The following TFDP2 variants were observed in gnomAD, a reference collection of about 807,000 sequenced individuals.
TFDP2 encodes the protein transcription factor Dp-2 (E2F dimerization partner 2).
A neutral mutation model predicts 59.3 loss-of-function variants in TFDP2; 17 were observed. The ratio of observed to expected loss-of-function variants is 0.29; its 90% CI spans 0.20 to 0.43. The LOEUF is 0.43. Ranked by LOEUF, TFDP2 falls within the 20% of genes least tolerant of loss-of-function variation. The probability of loss-of-function intolerance (pLI) is 1.00; values close to 1 mark genes in which losing one functional copy is unlikely to be tolerated. For synonymous variants in TFDP2, 180 were observed against 194.7 expected, an observed-to-expected ratio of 0.92 and a Z score of 0.63; for missense variants, 391 against 528.8, an observed-to-expected ratio of 0.74 and a Z score of 2.56.
chr3:141,985,741 A>G (rs1942031132), intron 6 of TFDP2, among the ~76,000 whole-genome samples: 1 of 152,158 alleles, frequency 6.6e-6, no homozygotes, highest in Non-Finnish European at 1.5e-5. Flanking sequence ...CAAAAGCATA[A>G]GTAACACAAG....
intron 3 of TFDP2, among the ~76,000 whole-genome samples, chr3:142,070,341 C>T (rs762159929): frequency 2.0e-5 from 3 of 151,924 alleles, no homozygotes; most frequent in Non-Finnish European, 4.4e-5. Context: ...ATGGCACGAA[C>T]ACAGCTGGCT....
At chr3:141,976,934 A>G (rs1437379746) in intron 7 of TFDP2, among the ~76,000 whole-genome samples, 1 of 151,838 alleles carries the variant, frequency 6.6e-6, no homozygotes, top group Non-Finnish European at 1.5e-5. Flanking sequence ...AAAACTTTAA[A>G]GCAACAAACA....
intron 3 of TFDP2, among the ~76,000 whole-genome samples, chr3:142,015,910 G>A (rs1220187116): frequency 6.6e-6 from 1 of 152,074 alleles, no homozygotes; most frequent in Non-Finnish European, 1.5e-5. Context: ...TGTGCTCTAG[G>A]TATAAAATAT....
chr3:142,067,373 G>A (rs1298781249), intron 3 of TFDP2, among the ~76,000 whole-genome samples: 1 of 151,430 alleles, frequency 6.6e-6, no homozygotes, highest in Non-Finnish European at 1.5e-5. Context: ...ATTTACATTA[G>A]CACCAAAAAT....
chr3:142,111,584 A>T (rs2061665827), intron 1 of TFDP2, among the ~76,000 whole-genome samples: 4 of 152,130 alleles, frequency 2.6e-5, no homozygotes, highest in Admixed American at 2.6e-4. Context: ...CCACTGGCAA[A>T]GAGAGAGGGA....
At chr3:142,075,265 A>C (rs1376105290) in intron 3 of TFDP2, among the ~76,000 whole-genome samples, 2 of 152,258 alleles carry the variant, frequency 1.3e-5, no homozygotes, top group African/African-American at 4.8e-5. Context: ...AAGTGATAAC[A>C]CAACCTATTG....
intron 8 of TFDP2, among the ~76,000 whole-genome samples, chr3:141,972,512 C>T (rs1390892328): frequency 6.6e-6 from 1 of 152,182 alleles, no homozygotes; most frequent in Non-Finnish European, 1.5e-5. Flanking sequence ...ATGCCTGTTC[C>T]CTAGCCACAC....
Position 141,950,875 on chromosome 3 carries a change from TG to T in TFDP2, c.*1637del, listed in dbSNP as rs1459774553. 6.6e-6 allele frequency: 1 copy of T among 152,336 alleles called. No individual in the cohort carries two copies. The allele number at this position is 152,336 out of a possible 1,614,324, so 9.4% of individuals were successfully genotyped here. ...TAGAAACTGCCTCTATCTCTGAGTCTGTACTATGGCTTATTTCTGACAGAAT... is the reference window on the plus strand; with the variant it reads ...TAGAAACTGCCTCTATCTCTGAGTCTTACTATGGCTTATTTCTGACAGAAT... On this transcript the variant is annotated 3_prime_UTR_variant, in exon 13 of 13. Transcript: ENST00000489671.
intron 3 of TFDP2, among the ~76,000 whole-genome samples, chr3:142,014,415 G>T (rs1327741840): frequency 6.6e-6 from 1 of 152,062 alleles, no homozygotes; most frequent in Non-Finnish European, 1.5e-5. Flanking sequence ...AAAGCACTGG[G>T]ATTCCAGGCA....
At chr3:142,110,394 C>T (rs1368663204) in intron 1 of TFDP2, among the ~76,000 whole-genome samples, 1 of 151,924 alleles carries the variant, frequency 6.6e-6, no homozygotes, top group Non-Finnish European at 1.5e-5. Context: ...ATCCCAGCTA[C>T]TTGGGAGGCT....
chr3:141,974,470 G>A (rs1447911676), intron 7 of TFDP2, among the ~76,000 whole-genome samples: 1 of 151,980 alleles, frequency 6.6e-6, no homozygotes, highest in African/African-American at 2.4e-5. Context: ...TATACTAAAG[G>A]GATTTCTTCA....
chr3:142,071,006 G>A (rs1177310105), intron 3 of TFDP2, among the ~76,000 whole-genome samples: 2 of 152,076 alleles, frequency 1.3e-5, no homozygotes. Context: ...ATGGTGTCAA[G>A]GAAGCATAAA....
At chr3:142,018,392 C>T (rs1945310782) in intron 3 of TFDP2, among the ~76,000 whole-genome samples, 1 of 152,176 alleles carries the variant, frequency 6.6e-6, no homozygotes, top group Admixed American at 6.5e-5. Context: ...CTTGTATCAA[C>T]TGTGTATTTC....
At chr3:141,990,719 G>A (rs1447948169) in intron 6 of TFDP2, among the ~76,000 whole-genome samples, 1 of 152,048 alleles carries the variant, frequency 6.6e-6, no homozygotes, top group Non-Finnish European at 1.5e-5. Flanking sequence ...CTAAAAAAAT[G>A]TATAAACCTT....
chr3:141,957,048 C>T (rs897796118), intron 11 of TFDP2, among the ~76,000 whole-genome samples: 2 of 151,250 alleles, frequency 1.3e-5, no homozygotes, highest in Non-Finnish European at 2.9e-5. Context: ...AGGGCAGGCA[C>T]GGTGGCTCAC....
chr3:141,995,149 GT>G lies in TFDP2; in HGVS notation c.187-9del. ...CTGTGGTGTGCTTATAATCTGTAAA[GT>G]TAGGAACAAAGAATATAATATTCTT... is the stretch of plus-strand genomic sequence containing the variant. On this transcript the variant is annotated splice_polypyrimidine_tract_variant and intron_variant, in intron 4 of 12. Transcript: ENST00000489671. 6.4e-7 allele frequency: 1 copy of G among 1,565,904 alleles called. No individual in the cohort carries two copies. Among genetic ancestry groups the G allele is most frequent in the South Asian group, 1.3e-5 (1 of 79,726 alleles).
At chr3:142,000,963 G>A (rs1173946659) in intron 4 of TFDP2, among the ~76,000 whole-genome samples, 2 of 152,188 alleles carry the variant, frequency 1.3e-5, no homozygotes, top group African/African-American at 2.4e-5. Flanking sequence ...AGCCCATGCT[G>A]CAGTTCTCCT....
intron 9 of TFDP2, among the ~76,000 whole-genome samples, chr3:141,966,559 T>C (rs1003795107): frequency 6.6e-6 from 1 of 151,876 alleles, no homozygotes; most frequent in Non-Finnish European, 1.5e-5. Flanking sequence ...TTCACTTATT[T>C]TGAACTGACT....
intron 4 of TFDP2, among the ~76,000 whole-genome samples, chr3:142,003,066 G>A (rs1033181941): frequency 1.3e-5 from 2 of 151,270 alleles, no homozygotes; most frequent in African/African-American, 4.9e-5. Flanking sequence ...ACAGTGCCGC[G>A]ATCTCTGCTC....
Sources: allele counts gnomAD v4.1 joint callset (sites outside exome capture counted in the v4.1 genomes callset), GRCh38; gene constraint gnomAD v4.1.1; transcripts MANE v1.5; gene names NCBI Gene and HGNC (gene_info 2026-07-23, HGNC 2026-07-21).